The following FAM149B1 variants were observed in gnomAD, a reference collection of about 807,000 sequenced individuals.
FAM149B1 encodes family with sequence similarity 149 member B1, also known as primary cilium assembly protein FAM149B1.
In FAM149B1, 56 loss-of-function variants were observed where a neutral mutation model predicts 75.3. The ratio of observed to expected loss-of-function variants is 0.74; its 90% CI spans 0.60 to 0.93. The LOEUF is 0.93. FAM149B1 is among the 40% of genes least tolerant of loss of function. The pLI is 0.00. For synonymous variants in FAM149B1, 259 were observed against 256.1 expected, an observed-to-expected ratio of 1.01 and a Z score of -0.11; for missense variants, 639 against 708.4, an observed-to-expected ratio of 0.90 and a Z score of 1.11.
intron 5 of FAM149B1, chr10:73,200,682 C>A (rs1450434519): frequency 8.0e-6 from 4 of 501,186 alleles, no homozygotes; most frequent in South Asian, 5.5e-5. Flanking sequence ...TTGGAAGTGA[C>A]CAAAAAATTC....
chr10:73,213,290 T>C (rs2043229346), intron 7 of FAM149B1, among the ~76,000 whole-genome samples: 1 of 152,208 alleles, frequency 6.6e-6, no homozygotes, highest in African/African-American at 2.4e-5. Flanking sequence ...AGTCTGCTTA[T>C]TCTGTTATTT....
At chr10:73,201,462 C>G (rs1051255783) in intron 5 of FAM149B1, among the ~76,000 whole-genome samples, 1 of 152,120 alleles carries the variant, frequency 6.6e-6, no homozygotes, top group African/African-American at 2.4e-5. Flanking sequence ...AAGATGAGTT[C>G]TAAAATTTTT....
At chr10:73,238,709 T>C (rs1227482597) in intron 12 of FAM149B1, 1 of 152,228 alleles carries the variant, frequency 6.6e-6, no homozygotes, top group Non-Finnish European at 1.5e-5. Context: ...ATCTCTTGAT[T>C]TCAGTGCTCT....
chr10:73,193,848 A>G (rs577803585), intron 5 of FAM149B1, among the ~76,000 whole-genome samples: 13 of 152,262 alleles, frequency 8.5e-5, no homozygotes, highest in African/African-American at 2.9e-4. Context: ...GAAACTGGGT[A>G]ATTTATAAGG....
At chr10:73,178,062 TC>T in intron 3 of FAM149B1, 87 bp downstream of exon 3, 1 of 1,272,454 alleles carries the variant, frequency 7.9e-7, no homozygotes, top group Non-Finnish European at 1.1e-6. Context: ...TCCTTCACTC[TC>T]CTGCATTGTT....
At chr10:73,240,448 C>T (rs550738659) in intron 13 of FAM149B1, among the ~76,000 whole-genome samples, 30 of 152,184 alleles carry the variant, frequency 2.0e-4, no homozygotes, top group African/African-American at 7.2e-4. Context: ...CGTGGTGGCT[C>T]ATGCCTGTAA....
At chr10:73,235,539 G>T in intron 12 of FAM149B1, 1 of 1,037,526 alleles carries the variant, frequency 9.6e-7, no homozygotes, top group Non-Finnish European at 1.3e-6. Flanking sequence ...AATATTCTAA[G>T]CAATTTAACA....
At chr10:73,173,066 C>A (rs1222650118) in intron 1 of FAM149B1, among the ~76,000 whole-genome samples, 2 of 152,110 alleles carry the variant, frequency 1.3e-5, no homozygotes, top group African/African-American at 4.8e-5. Flanking sequence ...CTGCAGTGAG[C>A]TATGACCACA....
At chr10:73,209,840 A>C (rs1256560976) in intron 6 of FAM149B1, among the ~76,000 whole-genome samples, 1 of 152,170 alleles carries the variant, frequency 6.6e-6, no homozygotes, top group Non-Finnish European at 1.5e-5. Context: ...AGCTGTGGTT[A>C]GGTCTAGTAG....
intron 6 of FAM149B1, among the ~76,000 whole-genome samples, chr10:73,209,854 G>A (rs2043148875): frequency 6.6e-6 from 1 of 151,880 alleles, no homozygotes; most frequent in African/African-American, 2.4e-5. Flanking sequence ...CTAGTAGTTA[G>A]TATTGTGTCA....
At chr10:73,169,735 G>A (rs184559197) in intron 1 of FAM149B1, among the ~76,000 whole-genome samples, 17 of 152,250 alleles carry the variant, frequency 1.1e-4, no homozygotes, top group Admixed American at 5.2e-4. Flanking sequence ...AAGTGTTGGC[G>A]TGAGCCACCA....
At chr10:73,183,779 G>T (rs1001206943) in intron 3 of FAM149B1, among the ~76,000 whole-genome samples, 2 of 152,184 alleles carry the variant, frequency 1.3e-5, no homozygotes, top group African/African-American at 4.8e-5. Flanking sequence ...TAGAACTTTG[G>T]GTTAAGAACA....
At chr10:73,201,993 C>T (rs372222502) in intron 5 of FAM149B1, among the ~76,000 whole-genome samples, 8 of 151,908 alleles carry the variant, frequency 5.3e-5, no homozygotes, top group East Asian at 1.9e-4. Context: ...GGTGAAACCC[C>T]GTCTCTACTA....
intron 3 of FAM149B1, among the ~76,000 whole-genome samples, chr10:73,180,025 GT>G (rs772236160): frequency 1.3e-5 from 2 of 152,110 alleles, no homozygotes; most frequent in African/African-American, 2.4e-5. Context: ...GGAATATGGG[GT>G]GAGTGAGACT....
At chr10:73,223,433 C>T (rs1391798200) in intron 7 of FAM149B1, among the ~76,000 whole-genome samples, 2 of 152,182 alleles carry the variant, frequency 1.3e-5, no homozygotes. Context: ...GACTATATCA[C>T]ACCCTACTGT....
At chr10:73,191,133 C>A (rs909011417) in intron 3 of FAM149B1, among the ~76,000 whole-genome samples, 4 of 151,930 alleles carry the variant, frequency 2.6e-5, no homozygotes, top group African/African-American at 4.8e-5. Context: ...CTCCGCCTCC[C>A]GGGTTCAAGA....
chr10:73,193,983 G>T (rs2133338178), intron 5 of FAM149B1, among the ~76,000 whole-genome samples: 1 of 152,212 alleles, frequency 6.6e-6, no homozygotes, highest in African/African-American at 2.4e-5. Flanking sequence ...TGGCAAGGGG[G>T]CTGTACATGC....
Position 73,241,135 on chromosome 10 carries a change from A to G in FAM149B1, c.*116A>G, listed in dbSNP as rs569488098. 2.8e-6 allele frequency: 2 copies of G among 717,464 alleles called. No homozygotes were observed. Among genetic ancestry groups the G allele is most frequent in the South Asian group, 3.1e-5 (2 of 64,646 alleles). The allele number at this position is 717,464 out of a possible 1,614,324, so 44.4% of individuals were successfully genotyped here. On this transcript the variant is annotated 3_prime_UTR_variant, in exon 14 of 14. Coordinates refer to ENST00000242505, the MANE Select transcript of FAM149B1 (RefSeq NM_173348.2). ...GATCGACTAGAAATCATCTTCATGA[A>G]GAGTGATTTTGGCACAAGTGACCGA... is the stretch of plus-strand genomic sequence containing the variant.
At chr10:73,181,473 A>G (rs1210120020) in intron 3 of FAM149B1, among the ~76,000 whole-genome samples, 1 of 151,954 alleles carries the variant, frequency 6.6e-6, no homozygotes, top group Non-Finnish European at 1.5e-5. Context: ...GTTTCAAGAA[A>G]TTTTTCAGTC....
Sources: allele counts gnomAD v4.1 joint callset (sites outside exome capture counted in the v4.1 genomes callset), GRCh38; gene constraint gnomAD v4.1.1; transcripts MANE v1.5; gene names NCBI Gene and HGNC (gene_info 2026-07-23, HGNC 2026-07-21).